Variants in STARD13 observed in about 807,000 individuals in gnomAD.
The protein encoded by STARD13 is StAR related lipid transfer domain containing 13, also known as stAR-related lipid transfer protein 13.
Under a neutral mutation model 106.4 loss-of-function variants are expected in STARD13, and 62 were observed. That is an observed-to-expected ratio of 0.58 (90% CI 0.48 to 0.72). STARD13 has a LOEUF of 0.72. STARD13 is among the 30% of genes least tolerant of loss of function. STARD13 has a pLI of 0.00. For synonymous variants in STARD13, 565 were observed against 553.0 expected, an observed-to-expected ratio of 1.02 and a Z score of -0.31; for missense variants, 1,387 against 1,424.0, an observed-to-expected ratio of 0.97 and a Z score of 0.42.
chr13:33,426,799 T>A, the STARD13 span, among the ~76,000 whole-genome samples: 1,292 of 152,312 alleles, frequency 8.5e-3, 22 homozygotes, highest in Admixed American at 0.013. Flanking sequence ...ACTCCTATTA[T>A]TATGACAAAA....
At chr13:33,218,173 G>A (rs1425127954) in intron 1 of STARD13, among the ~76,000 whole-genome samples, 1 of 152,132 alleles carries the variant, frequency 6.6e-6, no homozygotes, top group Non-Finnish European at 1.5e-5. Flanking sequence ...GTTACCCTAT[G>A]GTTTAAGAGG....
At chr13:33,552,127 C>T in the STARD13 span, among the ~76,000 whole-genome samples, 1 of 152,076 alleles carries the variant, frequency 6.6e-6, no homozygotes, top group Non-Finnish European at 1.5e-5. Context: ...CCTCAGATTT[C>T]CCCAAGTACA....
intron 1 of STARD13, among the ~76,000 whole-genome samples, chr13:33,255,510 G>T (rs117804735): frequency 0.012 from 1,846 of 152,124 alleles, 14 homozygotes; most frequent in Middle Eastern, 0.031. Flanking sequence ...AGTAGATGTG[G>T]TGGTGAATGG....
chr13:33,262,649 C>T (rs1296415466), intron 1 of STARD13, among the ~76,000 whole-genome samples: 1 of 105,998 alleles, frequency 9.4e-6, no homozygotes, highest in Non-Finnish European at 1.9e-5. Flanking sequence ...CCCCCCCCCC[C>T]ACACACACAC....
At chr13:33,370,619 C>CTTTCT in the STARD13 span, among the ~76,000 whole-genome samples, 38 of 131,608 alleles carry the variant, frequency 2.9e-4, no homozygotes, top group African/African-American at 1.1e-3. Flanking sequence ...TTCTTTCTTT[C>CTTTCT]TTTTTTTTTT....
the STARD13 span, among the ~76,000 whole-genome samples, chr13:33,625,394 AC>A: frequency 4.6e-5 from 7 of 151,818 alleles, no homozygotes; most frequent in African/African-American, 7.3e-5. Context: ...ACATAGTGAA[AC>A]CCCATCTCTA....
the STARD13 span, among the ~76,000 whole-genome samples, chr13:33,487,521 G>A: frequency 6.6e-6 from 1 of 152,128 alleles, no homozygotes; most frequent in African/African-American, 2.4e-5. Flanking sequence ...TAAGATAAAG[G>A]CTCTAAAAGG....
intron 3 of STARD13, among the ~76,000 whole-genome samples, chr13:33,151,219 A>C (rs991693808): frequency 1.8e-4 from 27 of 152,218 alleles, no homozygotes; most frequent in Non-Finnish European, 3.5e-4. Flanking sequence ...TTTCATTGCT[A>C]TTAAGGAATA....
chr13:33,613,838 G>T, the STARD13 span, among the ~76,000 whole-genome samples: 2 of 152,196 alleles, frequency 1.3e-5, no homozygotes, highest in African/African-American at 4.8e-5. Context: ...GAAGGGGTGG[G>T]AAAGGACACA....
chr13:33,467,765 T>C, the STARD13 span, among the ~76,000 whole-genome samples: 1 of 152,178 alleles, frequency 6.6e-6, no homozygotes, highest in African/African-American at 2.4e-5. Flanking sequence ...TTTCATGATG[T>C]CATTATTATC....
the STARD13 span, among the ~76,000 whole-genome samples, chr13:33,454,395 C>T: frequency 6.6e-6 from 1 of 152,200 alleles, no homozygotes; most frequent in Non-Finnish European, 1.5e-5. Context: ...TTTCTACCTT[C>T]CCTAAGAAAT....
At chr13:33,333,031 T>C in intron 1 of STARD13, among the ~76,000 whole-genome samples, 1 of 152,210 alleles carries the variant, frequency 6.6e-6, no homozygotes, top group East Asian at 1.9e-4. Flanking sequence ...ATAATAATAA[T>C]AATAATTTTA....
chr13:33,607,692 C>T, the STARD13 span, among the ~76,000 whole-genome samples: 3 of 152,184 alleles, frequency 2.0e-5, no homozygotes, highest in East Asian at 1.9e-4. Flanking sequence ...TTGATATTAT[C>T]GTCCACACAG....
chr13:33,450,847 C>T, the STARD13 span, among the ~76,000 whole-genome samples: 118 of 152,076 alleles, frequency 7.8e-4, no homozygotes, highest in African/African-American at 2.5e-3. Context: ...AAAGCATGGC[C>T]GTTTGGGGAA....
Position 33,103,260 on chromosome 13 carries a change from T to C in STARD13, c.*2333A>G, listed in dbSNP as rs1376130563. On this transcript the variant is annotated 3_prime_UTR_variant, in exon 14 of 14. Coordinates refer to ENST00000336934, the MANE Select transcript of STARD13 (RefSeq NM_178006.4). ...ATATACATGAGGTATAAATATAATA[T>C]TTAAATGCAATATCATACTTTATTT... 2.0e-5 allele frequency: 3 copies of C among 152,654 alleles called. No homozygotes were observed. The highest frequency in any genetic ancestry group is 1.3e-4 in the Admixed American group (2 of 15,278). 9.5% of individuals were successfully genotyped at this position (152,654 alleles called of 1,614,324 possible). A position where few individuals can be genotyped will look rare whatever the true frequency, so the allele number is the denominator to read the frequency against.
intron 1 of STARD13, among the ~76,000 whole-genome samples, chr13:33,245,857 AC>A (rs1889798797): frequency 6.6e-6 from 1 of 152,224 alleles, no homozygotes; most frequent in South Asian, 2.1e-4. Flanking sequence ...TTCTCCCCCA[AC>A]CTTTTTTGTA....
the STARD13 span, among the ~76,000 whole-genome samples, chr13:33,433,862 A>G: frequency 6.6e-6 from 1 of 152,020 alleles, no homozygotes; most frequent in Non-Finnish European, 1.5e-5. Flanking sequence ...ATTTGTGATG[A>G]GTTCCTTCAG....
At position 33,103,393 on chromosome 13, in the gene STARD13, T is replaced by G. The variant is rs189072118; in HGVS notation, c.*2200A>C. The G allele has an allele frequency of 6.5e-6, 1 of 152,808 alleles. No individual in the cohort carries two copies. The highest frequency in any genetic ancestry group is 1.9e-4 in the East Asian group (1 of 5,188). 9.5% of individuals were successfully genotyped at this position (152,808 alleles called of 1,614,324 possible). ...TTTTCCTTGTTTTAAAAAGATGCACTGTGTTGTTATGCAGCGGTGATATGA... is the reference window on the plus strand; with the variant it reads ...TTTTCCTTGTTTTAAAAAGATGCACGGTGTTGTTATGCAGCGGTGATATGA... On this transcript the variant is annotated 3_prime_UTR_variant, in exon 14 of 14. Transcript: ENST00000336934.
At chr13:33,367,763 T>C in the STARD13 span, among the ~76,000 whole-genome samples, 1 of 151,934 alleles carries the variant, frequency 6.6e-6, no homozygotes, top group Non-Finnish European at 1.5e-5. Context: ...AGAGGCAATT[T>C]TGGGGAAAAC....
Sources: gnomAD v4.1 joint callset for allele counts (sites outside exome capture counted in the v4.1 genomes callset) on GRCh38, gnomAD v4.1.1 for gene constraint, MANE v1.5 for transcripts, NCBI Gene and HGNC (gene_info 2026-07-23, HGNC 2026-07-21) for gene names.